The following MDGA2 variants were observed in gnomAD, a reference collection of about 807,000 sequenced individuals.
The protein encoded by MDGA2 is MAM domain-containing glycosylphosphatidylinositol anchor protein 2.
In MDGA2, 40 loss-of-function variants were observed where a neutral mutation model predicts 117.8. The observed-to-expected ratio is 0.34, with a 90% confidence interval of 0.26 to 0.44. The LOEUF is 0.44. Among genes scored for constraint, MDGA2 ranks in the 20% least tolerant of loss-of-function variants. The pLI is 1.00. For missense variants in MDGA2, 1,123 were observed against 1,250.6 expected, an observed-to-expected ratio of 0.90 and a Z score of 1.54; for synonymous variants, 452 against 439.0, an observed-to-expected ratio of 1.03 and a Z score of -0.37.
chr14:47,644,087 A>T (rs937224468), intron 1 of MDGA2, among the ~76,000 whole-genome samples: 2 of 152,204 alleles, frequency 1.3e-5, no homozygotes, highest in Non-Finnish European at 2.9e-5. Context: ...ATATGTTTTC[A>T]TAGAAAAACA....
At chr14:47,615,092 T>C (rs919757962) in intron 1 of MDGA2, among the ~76,000 whole-genome samples, 3 of 151,264 alleles carry the variant, frequency 2.0e-5, no homozygotes, top group Admixed American at 1.3e-4. Context: ...ATTTGATTCA[T>C]ATTCCTGATG....
intron 1 of MDGA2, among the ~76,000 whole-genome samples, chr14:47,469,568 G>A (rs1893677841): frequency 6.6e-6 from 1 of 152,012 alleles, no homozygotes; most frequent in African/African-American, 2.4e-5. Context: ...GGACATTTGG[G>A]TTGGTTCCAA....
At chr14:47,064,866 G>A (rs1890024004) in intron 6 of MDGA2, among the ~76,000 whole-genome samples, 1 of 152,078 alleles carries the variant, frequency 6.6e-6, no homozygotes, top group South Asian at 2.1e-4. Flanking sequence ...CCTGCTACCA[G>A]TTAAGATTTT....
intron 10 of MDGA2, among the ~76,000 whole-genome samples, chr14:46,903,669 T>C (rs1883380377): frequency 6.6e-6 from 1 of 152,150 alleles, no homozygotes; most frequent in Non-Finnish European, 1.5e-5. Flanking sequence ...AAAATTCCAG[T>C]TGAAGTTAAT....
At chr14:47,265,834 C>G (rs1181112962) in intron 2 of MDGA2, among the ~76,000 whole-genome samples, 1 of 152,052 alleles carries the variant, frequency 6.6e-6, no homozygotes, top group Non-Finnish European at 1.5e-5. Context: ...CCCAATAACA[C>G]AGAAGTTTAA....
chr14:47,463,229 C>G (rs921911704), intron 1 of MDGA2, among the ~76,000 whole-genome samples: 3 of 152,020 alleles, frequency 2.0e-5, no homozygotes, highest in African/African-American at 4.8e-5. Context: ...TTGTCCCATT[C>G]CACTGAAAAA....
intron 1 of MDGA2, among the ~76,000 whole-genome samples, chr14:47,624,156 G>A (rs1897099027): frequency 6.6e-6 from 1 of 152,102 alleles, no homozygotes; most frequent in Non-Finnish European, 1.5e-5. Context: ...CGTTCCTTTT[G>A]TCTGATAAAT....
intron 7 of MDGA2, among the ~76,000 whole-genome samples, chr14:47,058,123 A>T (rs1211633789): frequency 6.6e-6 from 1 of 152,160 alleles, no homozygotes; most frequent in Non-Finnish European, 1.5e-5. Context: ...TACTTAAAAA[A>T]TATCATTATA....
chr14:46,873,083 A>G (rs1204406610), intron 14 of MDGA2, among the ~76,000 whole-genome samples: 1 of 151,974 alleles, frequency 6.6e-6, no homozygotes, highest in Non-Finnish European at 1.5e-5. Flanking sequence ...TTTCATCATG[A>G]TTAATATGCA....
chr14:47,518,674 T>A (rs748171623), intron 1 of MDGA2, among the ~76,000 whole-genome samples: 28 of 152,330 alleles, frequency 1.8e-4, no homozygotes, highest in Non-Finnish European at 3.5e-4. Context: ...AAAAGAAAGT[T>A]GGATGACTAA....
intron 1 of MDGA2, among the ~76,000 whole-genome samples, chr14:47,575,746 A>G (rs1470012842): frequency 6.6e-6 from 1 of 152,218 alleles, no homozygotes. Context: ...AAGGATTTGA[A>G]TTTCAATTAC....
At chr14:47,335,975 C>T (rs1890445153) in intron 1 of MDGA2, among the ~76,000 whole-genome samples, 2 of 151,318 alleles carry the variant, frequency 1.3e-5, no homozygotes. Flanking sequence ...AATTTCAATA[C>T]AAATTTAGGA....
chr14:46,937,244 T>G (rs889188463), intron 9 of MDGA2, among the ~76,000 whole-genome samples: 5 of 41,576 alleles, frequency 1.2e-4, no homozygotes, highest in African/African-American at 5.1e-4. Flanking sequence ...CTGAAACAAA[T>G]TTAACAAAGG....
intron 3 of MDGA2, among the ~76,000 whole-genome samples, chr14:47,215,848 T>C (rs545109421): frequency 6.6e-6 from 1 of 152,118 alleles, no homozygotes; most frequent in East Asian, 1.9e-4. Flanking sequence ...CAACATGGTA[T>C]GCATCACAGT....
intron 2 of MDGA2, among the ~76,000 whole-genome samples, chr14:47,248,492 G>A (rs913434190): frequency 6.6e-6 from 1 of 151,382 alleles, no homozygotes; most frequent in African/African-American, 2.4e-5. Context: ...ATTTAGACAG[G>A]GCAAAGCTAA....
At chr14:47,267,176 A>G (rs1887993653) in intron 2 of MDGA2, among the ~76,000 whole-genome samples, 2 of 152,158 alleles carry the variant, frequency 1.3e-5, no homozygotes. Flanking sequence ...TGACACAGTA[A>G]AAGCTATTTT....
intron 1 of MDGA2, among the ~76,000 whole-genome samples, chr14:47,318,491 T>C (rs2139866154): frequency 1.3e-5 from 2 of 152,232 alleles, no homozygotes; most frequent in South Asian, 4.1e-4. Context: ...CAATCATTCA[T>C]TTATGGGTAC....
At chr14:47,209,822 A>G (rs1885817701) in intron 3 of MDGA2, among the ~76,000 whole-genome samples, 1 of 152,218 alleles carries the variant, frequency 6.6e-6, no homozygotes, top group African/African-American at 2.4e-5. Flanking sequence ...CATTTTAATA[A>G]GCATTGTAAT....
chr14:47,473,715 C>G (rs1893776810), intron 1 of MDGA2, among the ~76,000 whole-genome samples: 2 of 151,906 alleles, frequency 1.3e-5, no homozygotes, highest in African/African-American at 4.8e-5. Flanking sequence ...GAACTAAAGA[C>G]AAAAAACACA....
Sources: gnomAD v4.1 joint callset for allele counts (sites outside exome capture counted in the v4.1 genomes callset) on GRCh38, gnomAD v4.1.1 for gene constraint, MANE v1.5 for transcripts, NCBI Gene and HGNC (gene_info 2026-07-23, HGNC 2026-07-21) for gene names.